Variants in ARHGAP8 observed in about 807,000 individuals in gnomAD.
The protein encoded by ARHGAP8 is Rho GTPase activating protein 8.
Under a neutral mutation model 46.1 loss-of-function variants are expected in ARHGAP8, and 62 were observed. The observed-to-expected ratio is 1.34, with a 90% CI of 1.10 to 1.66. The LOEUF is 1.66. Among genes scored for constraint, ARHGAP8 ranks in the 40% most tolerant of loss-of-function variants. The probability of loss-of-function intolerance (pLI) is 0.00; values close to 1 mark genes in which losing one functional copy is unlikely to be tolerated. For synonymous variants in ARHGAP8, 375 were observed against 243.1 expected (o/e 1.54, Z -5.05); for missense variants, 923 against 568.4 (o/e 1.62, Z -6.34).
At chr22:44,816,067 C>G (rs1450754893) in intron 5 of ARHGAP8, among the ~76,000 whole-genome samples, 1 of 152,100 alleles carries the variant, frequency 6.6e-6, no homozygotes, top group Non-Finnish European at 1.5e-5. Context: ...GACAGGGAGG[C>G]GCATCCCTGG....
intron 1 of ARHGAP8, among the ~76,000 whole-genome samples, chr22:44,759,751 G>T (rs566382922): frequency 6.6e-6 from 1 of 152,224 alleles, no homozygotes; most frequent in Non-Finnish European, 1.5e-5. Flanking sequence ...GCCTCGTGCT[G>T]ATTAGCTCTG....
At chr22:44,771,876 C>A (rs141335707) in intron 1 of ARHGAP8, among the ~76,000 whole-genome samples, 171 of 152,220 alleles carry the variant, frequency 1.1e-3, no homozygotes, top group Non-Finnish European at 9.1e-4. Context: ...TTTTATTGCT[C>A]TTTCCAATCT....
chr22:44,794,425 T>C lies in ARHGAP8; in HGVS notation c.80-7652T>C, dbSNP rs1425346610. ...TTCTCTCTCTCTCTTTTAAACTTTTTATTGGCCAGGCACGGTGGCTCACAC... is the reference window on the plus strand; with the variant it reads ...TTCTCTCTCTCTCTTTTAAACTTTTCATTGGCCAGGCACGGTGGCTCACAC... On this transcript the variant is annotated intron_variant, in intron 2 of 11. Coordinates refer to ENST00000356099, the MANE Select transcript of ARHGAP8 (RefSeq NM_181335.3). Among the ~76,000 whole-genome samples the C allele has an allele frequency of 3.9e-5, 6 of 152,128 alleles. No individual in the cohort carries two copies. The East Asian group carries it at 1.2e-3, about 29-fold the overall frequency.
At chr22:44,760,926 AG>A (rs1430250472) in intron 1 of ARHGAP8, among the ~76,000 whole-genome samples, 1 of 151,742 alleles carries the variant, frequency 6.6e-6, no homozygotes, top group Non-Finnish European at 1.5e-5. Flanking sequence ...GAGGGTCGGG[AG>A]GGAGTTGAGG....
intron 1 of ARHGAP8, among the ~76,000 whole-genome samples, chr22:44,758,442 G>C (rs894317118): frequency 2.0e-5 from 3 of 152,184 alleles, no homozygotes; most frequent in Non-Finnish European, 4.4e-5. Flanking sequence ...GGCATCTGAA[G>C]GCCAAGGCTG....
chr22:44,788,777 C>A (rs181458455), intron 2 of ARHGAP8, among the ~76,000 whole-genome samples: 3 of 152,138 alleles, frequency 2.0e-5, no homozygotes, highest in East Asian at 1.9e-4. Context: ...GGATACAATC[C>A]GCTTAAAAAG....
chr22:44,845,190 A>T (rs952621600), intron 7 of ARHGAP8, 79 bp from the exon 8 acceptor site: 106 of 1,565,234 alleles, frequency 6.8e-5, no homozygotes, highest in Non-Finnish European at 8.9e-5. Context: ...AGGGGTGTGG[A>T]GAGGACCAGC....
At chr22:44,823,890 G>A (rs1253296959) in intron 6 of ARHGAP8, among the ~76,000 whole-genome samples, 1 of 152,146 alleles carries the variant, frequency 6.6e-6, no homozygotes, top group Non-Finnish European at 1.5e-5. Context: ...TGAGTCAGAG[G>A]GGATGAGGTT....
intron 7 of ARHGAP8, among the ~76,000 whole-genome samples, chr22:44,833,092 T>C (rs1161013505): frequency 7.7e-6 from 1 of 129,908 alleles, no homozygotes; most frequent in Non-Finnish European, 1.6e-5. Flanking sequence ...TTTTCTTTTC[T>C]TTTCTTTTTT....
chr22:44,763,208 A>G (rs1925277423), intron 1 of ARHGAP8, among the ~76,000 whole-genome samples: 1 of 151,960 alleles, frequency 6.6e-6, no homozygotes, highest in Admixed American at 6.6e-5. Flanking sequence ...GCAAAAGATA[A>G]TTTTCAGGCT....
intron 1 of ARHGAP8, among the ~76,000 whole-genome samples, chr22:44,753,200 AC>A (rs1186783892): frequency 6.8e-6 from 1 of 148,030 alleles, no homozygotes; most frequent in African/African-American, 2.5e-5. Flanking sequence ...CAGCGGTGGA[AC>A]CCCCCGGGAG....
chr22:44,772,355 T>TTC (rs1167529281), intron 1 of ARHGAP8, among the ~76,000 whole-genome samples: 1 of 144,764 alleles, frequency 6.9e-6, no homozygotes, highest in African/African-American at 2.5e-5. Flanking sequence ...CTTTTTTCTT[T>TTC]TTTTTTTTTT....
In ARHGAP8 at chr22:44,848,996, C is replaced by T; in HGVS notation, c.813C>T (p.Phe271=). The T allele has an allele frequency of 6.2e-7, 1 of 1,614,146 alleles. No individual in the cohort carries two copies. Among genetic ancestry groups the T allele is most frequent in the South Asian group, 1.1e-5 (1 of 91,084 alleles). The change falls in exon 10 of 12, where the codon TTC becomes TTT. Residue 271 remains phenylalanine, a synonymous_variant. Transcript: ENST00000356099. ...IHIPAVILKT[F]LRELPQPLLT... ...TCCCTGCCGTGATCCTGAAGACCTT[C>T]CTGCGAGAGCTGCCCCAGCCGCTTC... is the stretch of plus-strand genomic sequence containing the variant.
rs139419492 is a variant in ARHGAP8 at position 44,841,149 on chromosome 22, G to A, written c.597-4120G>A. On this transcript the variant is annotated intron_variant, in intron 7 of 11. Transcript: ENST00000356099. Reference sequence around the variant, plus strand: ...GCCGTGGCCCTCGTAGGGAACGGGGGAGGGAAGATGCCAAGCACTGATCCA... The same window carrying A: ...GCCGTGGCCCTCGTAGGGAACGGGGAAGGGAAGATGCCAAGCACTGATCCA... Among the ~76,000 whole-genome samples the A allele has an allele frequency of 1.9e-3, 290 of 152,342 alleles. 1 individual carries two copies. The Middle Eastern group carries it at 0.034, about 18-fold the overall frequency.
At chr22:44,855,934 G>A (rs1270873248) in intron 10 of ARHGAP8, among the ~76,000 whole-genome samples, 4 of 152,184 alleles carry the variant, frequency 2.6e-5, no homozygotes, top group African/African-American at 9.7e-5. Flanking sequence ...TTGGCTTCCA[G>A]GGAGGCCTCA....
intron 7 of ARHGAP8, among the ~76,000 whole-genome samples, chr22:44,835,688 C>G (rs1475157646): frequency 6.6e-6 from 1 of 152,136 alleles, no homozygotes; most frequent in Non-Finnish European, 1.5e-5. Context: ...GTCTTCCACC[C>G]CGTGCTAACA....
At chr22:44,814,642 C>A in intron 4 of ARHGAP8, 30 bp from the exon 5 acceptor site, 1 of 1,605,756 alleles carries the variant, frequency 6.2e-7, no homozygotes, top group South Asian at 1.1e-5. Context: ...AGCGCGGCAG[C>A]CTGAAGTCAT....
At chr22:44,847,656 C>T (rs1470418600) in intron 8 of ARHGAP8, among the ~76,000 whole-genome samples, 1 of 152,126 alleles carries the variant, frequency 6.6e-6, no homozygotes, top group Non-Finnish European at 1.5e-5. Context: ...GAGCTCATGG[C>T]CTTATTCTGT....
chr22:44,757,440 G>A (rs1251380845), intron 1 of ARHGAP8, among the ~76,000 whole-genome samples: 1 of 152,060 alleles, frequency 6.6e-6, no homozygotes, highest in East Asian at 1.9e-4. Context: ...ACCACACCTG[G>A]CTAATTTTGT....
Sources: allele counts gnomAD v4.1 joint callset (sites outside exome capture counted in the v4.1 genomes callset), GRCh38; gene constraint gnomAD v4.1.1; transcripts MANE v1.5; gene names NCBI Gene and HGNC (gene_info 2026-07-23, HGNC 2026-07-21).